WWOX: variants seen among roughly 807,000 people sequenced by gnomAD.
The protein encoded by WWOX is WW domain containing oxidoreductase, also known as WW domain-containing oxidoreductase.
Under a neutral mutation model 46.2 loss-of-function variants are expected in WWOX, and 69 were observed. The ratio of observed to expected loss-of-function variants is 1.49; its 90% confidence interval spans 1.23 to 1.82. The LOEUF (loss-of-function observed/expected upper bound fraction) is 1.82. Ranked by LOEUF, WWOX falls within the 40% of genes most tolerant of loss-of-function variation. The pLI is 0.00. For missense variants in WWOX, 919 were observed against 542.6 expected (o/e 1.69, Z -6.89); for synonymous variants, 359 against 202.6 (o/e 1.77, Z -6.56).
intron 4 of WWOX, among the ~76,000 whole-genome samples, chr16:78,122,870 G>A (rs1229273405): frequency 6.6e-6 from 1 of 152,138 alleles, no homozygotes; most frequent in African/African-American, 2.4e-5. Flanking sequence ...CTCCCAAAGT[G>A]CTAGGATTAC....
At chr16:78,774,499 TGTGTGTGTGTGTG>T (rs1567550961) in intron 8 of WWOX, among the ~76,000 whole-genome samples, 1 of 17,430 alleles carries the variant, frequency 5.7e-5, no homozygotes, top group African/African-American at 1.6e-4. Flanking sequence ...ACCCATTTTG[TGTGTGTGTGTGTG>T]TGTGTGTGTG....
chr16:78,749,546 T>C (rs916462449), intron 8 of WWOX, among the ~76,000 whole-genome samples: 6 of 152,114 alleles, frequency 3.9e-5, no homozygotes, highest in Admixed American at 3.9e-4. Flanking sequence ...CCTAGGGCTA[T>C]GCAAAGTAGT....
intron 8 of WWOX, chr16:78,551,021 A>C (rs1218711077): frequency 6.6e-6 from 1 of 152,228 alleles, no homozygotes; most frequent in Non-Finnish European, 1.5e-5. Flanking sequence ...CAGTGAAACA[A>C]ATACCTAATA....
chr16:79,010,415 A>T (rs1014247843), intron 8 of WWOX, among the ~76,000 whole-genome samples: 2 of 152,088 alleles, frequency 1.3e-5, no homozygotes, highest in Non-Finnish European at 2.9e-5. Context: ...ATGTTTGCTA[A>T]TCAAGTGAAC....
chr16:78,781,177 A>G (rs2050314449), intron 8 of WWOX, among the ~76,000 whole-genome samples: 1 of 152,214 alleles, frequency 6.6e-6, no homozygotes, highest in Non-Finnish European at 1.5e-5. Context: ...TGAAGTGTTG[A>G]TGGGGTGTGT....
At chr16:78,581,093 G>C (rs1267118926) in intron 8 of WWOX, among the ~76,000 whole-genome samples, 8 of 151,964 alleles carry the variant, frequency 5.3e-5, no homozygotes, top group Non-Finnish European at 1.0e-4. Context: ...AGCTTTCTTG[G>C]TTATTTTCTG....
intron 8 of WWOX, among the ~76,000 whole-genome samples, chr16:79,082,382 G>A (rs2048776547): frequency 6.6e-6 from 1 of 152,084 alleles, no homozygotes; most frequent in South Asian, 2.1e-4. Context: ...CCAACTGCAT[G>A]GATTTGTTAT....
chr16:79,126,853 A>G (rs1445989264), intron 8 of WWOX, among the ~76,000 whole-genome samples: 1 of 152,142 alleles, frequency 6.6e-6, no homozygotes, highest in Admixed American at 6.5e-5. Context: ...TGGAACAGGA[A>G]ATTGTGCTCA....
At chr16:78,400,593 G>C (rs911778838) in intron 6 of WWOX, among the ~76,000 whole-genome samples, 2 of 152,148 alleles carry the variant, frequency 1.3e-5, no homozygotes, top group African/African-American at 4.8e-5. Context: ...CATGAATCCA[G>C]CTTGGTTTTT....
intron 8 of WWOX, among the ~76,000 whole-genome samples, chr16:78,858,532 G>A (rs965515262): frequency 6.6e-6 from 1 of 151,958 alleles, no homozygotes; most frequent in African/African-American, 2.4e-5. Flanking sequence ...AATGATTTGG[G>A]GTTGAGGTGA....
intron 8 of WWOX, among the ~76,000 whole-genome samples, chr16:79,207,128 C>G (rs1597479209): frequency 6.6e-6 from 1 of 152,070 alleles, no homozygotes; most frequent in South Asian, 2.1e-4. Context: ...TCTATTCCAC[C>G]TGTGACATGA....
intron 8 of WWOX, among the ~76,000 whole-genome samples, chr16:79,058,470 G>C (rs1462811008): frequency 2.0e-5 from 3 of 152,110 alleles, no homozygotes; most frequent in African/African-American, 4.8e-5. Context: ...GGAAGAGAGA[G>C]AGGGAAGAAG....
chr16:78,687,780 A>C (rs1243775957), intron 8 of WWOX, among the ~76,000 whole-genome samples: 1 of 152,202 alleles, frequency 6.6e-6, no homozygotes, highest in Non-Finnish European at 1.5e-5. Flanking sequence ...CTGACTATTA[A>C]CCAGATTTTG....
At chr16:78,315,645 C>G (rs1453588942) in intron 5 of WWOX, among the ~76,000 whole-genome samples, 1 of 151,934 alleles carries the variant, frequency 6.6e-6, no homozygotes, top group Non-Finnish European at 1.5e-5. Context: ...GCAAGACTGT[C>G]TCAAAAAAGA....
chr16:78,594,268 C>T (rs1234604765), intron 8 of WWOX, among the ~76,000 whole-genome samples: 1 of 152,060 alleles, frequency 6.6e-6, no homozygotes, highest in Non-Finnish European at 1.5e-5. Flanking sequence ...CCTCTGCAGC[C>T]TTGCAAAGTC....
intron 8 of WWOX, among the ~76,000 whole-genome samples, chr16:78,489,867 CAG>C (rs2084737014): frequency 6.6e-6 from 1 of 152,112 alleles, no homozygotes; most frequent in Non-Finnish European, 1.5e-5. Flanking sequence ...GTATGGGTAA[CAG>C]TTGTGGGAGG....
At chr16:78,989,832 G>GTGTT (rs2046849704) in intron 8 of WWOX, among the ~76,000 whole-genome samples, 1 of 150,970 alleles carries the variant, frequency 6.6e-6, no homozygotes, top group Non-Finnish European at 1.5e-5. Context: ...GTGTGTGTGT[G>GTGTT]TGTGTGTGTG....
intron 8 of WWOX, among the ~76,000 whole-genome samples, chr16:78,975,564 C>T (rs750854030): frequency 6.6e-6 from 1 of 151,888 alleles, no homozygotes; most frequent in Non-Finnish European, 1.5e-5. Flanking sequence ...GTGCTGAATG[C>T]CTGTTCATGT....
chr16:78,259,453 A>ATCTATCTATCTATGTATCTATCTATCTAT (rs1555510204), intron 5 of WWOX, among the ~76,000 whole-genome samples: 102 of 151,852 alleles, frequency 6.7e-4, no homozygotes, highest in African/African-American at 9.7e-4. Context: ...CAGTCTGCCG[A>ATCTATCTATCTATGTATCTATCTATCTAT]CTAGCTGGGA....
Sources: allele counts gnomAD v4.1 joint callset (sites outside exome capture counted in the v4.1 genomes callset), GRCh38; gene constraint gnomAD v4.1.1; transcripts MANE v1.5; gene names NCBI Gene and HGNC (gene_info 2026-07-23, HGNC 2026-07-21).